USO1: variants seen among roughly 807,000 people sequenced by gnomAD.
USO1 encodes USO1 vesicle transport factor, also known as general vesicular transport factor p115.
A neutral mutation model predicts 124.5 loss-of-function variants in USO1; 57 were observed. That is an observed-to-expected ratio of 0.46 (90% confidence interval 0.37 to 0.57). The LOEUF (loss-of-function observed/expected upper bound fraction) is 0.57, where lower values mean the gene tolerates loss of function less well. Among genes scored for constraint, USO1 ranks in the 20% least tolerant of loss-of-function variants. The pLI is 0.00. For missense variants in USO1, 900 were observed against 1,040.6 expected (o/e 0.86, Z 1.86); for synonymous variants, 369 against 362.8 (o/e 1.02, Z -0.19).
intron 1 of USO1, among the ~76,000 whole-genome samples, chr4:75,727,300 C>A (rs1720492095): frequency 6.6e-6 from 1 of 152,162 alleles, no homozygotes; most frequent in Non-Finnish European, 1.5e-5. Flanking sequence ...GTTTTTATAT[C>A]ACAATTTCAA....
intron 4 of USO1, among the ~76,000 whole-genome samples, chr4:75,766,733 C>T (rs1453359824): frequency 6.6e-6 from 1 of 152,186 alleles, no homozygotes; most frequent in Non-Finnish European, 1.5e-5. Context: ...CATGTGAAGA[C>T]ATTATCTCCA....
chr4:75,798,019 T>G (rs1722739659), intron 13 of USO1, among the ~76,000 whole-genome samples: 1 of 152,228 alleles, frequency 6.6e-6, no homozygotes, highest in Admixed American at 6.5e-5. Flanking sequence ...ATGTCCACTT[T>G]TGTGCTCTTT....
intron 13 of USO1, chr4:75,795,248 T>TA (rs1416530391): frequency 1.4e-6 from 1 of 692,798 alleles, no homozygotes; most frequent in East Asian, 2.7e-5. Flanking sequence ...GTAGAGAGAC[T>TA]ATGAAAAAGT....
chr4:75,762,770 T>C (rs1171571676), intron 4 of USO1, among the ~76,000 whole-genome samples: 1 of 151,870 alleles, frequency 6.6e-6, no homozygotes. Context: ...CTACTAAAAA[T>C]ACAAAAAATT....
At chr4:75,784,607 A>G (rs1282447000) in intron 9 of USO1, among the ~76,000 whole-genome samples, 1 of 152,100 alleles carries the variant, frequency 6.6e-6, no homozygotes, top group Non-Finnish European at 1.5e-5. Context: ...ACTTGAGCTT[A>G]GGAGTTTGAG....
At position 75,804,156 on chromosome 4, in the gene USO1, G is replaced by A. The variant is rs184028252; in HGVS notation, c.2009G>A (p.Arg670Lys). 962 of 1,613,298 alleles carry A rather than the reference G, an allele frequency of 6.0e-4. 13 individuals carry two copies. In the South Asian group the frequency reaches 0.01, roughly 17 times the overall value. The change falls in exon 18 of 24, where the codon AGG becomes AAG. Residue 670 changes from arginine (R) to lysine (K), a missense_variant. By Grantham distance (26) the Arg-to-Lys change is conservative. Coordinates refer to ENST00000514213, the MANE Select transcript of USO1 (RefSeq NM_003715.4). Reference sequence around the variant, plus strand: ...CAGGATCTCCAACTTGAGGAATTAAGGCAGCAGGTTTCTACATTAAAATGT... The same window carrying A: ...CAGGATCTCCAACTTGAGGAATTAAAGCAGCAGGTTTCTACATTAAAATGT... ...REQDLQLEEL[R>K]QQVSTLKCQN...
chr4:75,733,785 A>G (rs529033218), intron 1 of USO1, among the ~76,000 whole-genome samples: 2 of 152,140 alleles, frequency 1.3e-5, no homozygotes, highest in South Asian at 4.1e-4. Flanking sequence ...TACTCTGTTG[A>G]TAGTTTCTTT....
intron 12 of USO1, among the ~76,000 whole-genome samples, chr4:75,791,102 AC>A (rs1212873779): frequency 6.6e-6 from 1 of 152,166 alleles, no homozygotes; most frequent in African/African-American, 2.4e-5. Flanking sequence ...TGGGGTTAAT[AC>A]CCCATTAGGA....
intron 1 of USO1, among the ~76,000 whole-genome samples, chr4:75,748,042 GA>G (rs540509495): frequency 4.0e-5 from 6 of 151,006 alleles, no homozygotes; most frequent in Non-Finnish European, 8.8e-5. Flanking sequence ...TGAGCAGCTG[GA>G]ATTACAGGCA....
Position 75,804,277 on chromosome 4 carries a change from G to A in USO1, c.2125+5G>A, listed in dbSNP as rs138495647. ...ATCTTCTTAAAATACAGCTAGGTAA[G>A]CATAGCTAAGCCATCACTATGATAG... On this transcript the variant is annotated splice_donor_5th_base_variant and intron_variant, in intron 18 of 23. Transcript: ENST00000514213. 1 of 1,607,914 alleles carries A rather than the reference G, an allele frequency of 6.2e-7. No homozygotes were observed. Among genetic ancestry groups the A allele is most frequent in the East Asian group, 2.2e-5 (1 of 44,544 alleles).
intron 20 of USO1, among the ~76,000 whole-genome samples, chr4:75,806,974 A>G (rs79734007): frequency 0.055 from 8,393 of 152,226 alleles, 312 homozygotes; most frequent in South Asian, 0.2. Flanking sequence ...GAATTTTAGA[A>G]TTGGAAAAGA....
chr4:75,740,444 T>A (rs1303680181), intron 1 of USO1, among the ~76,000 whole-genome samples: 1 of 152,176 alleles, frequency 6.6e-6, no homozygotes, highest in Non-Finnish European at 1.5e-5. Context: ...CTCGCCAACA[T>A]GCCTGGTTAA....
intron 12 of USO1, among the ~76,000 whole-genome samples, chr4:75,791,274 A>G (rs992476878): frequency 6.6e-6 from 1 of 152,240 alleles, no homozygotes; most frequent in Non-Finnish European, 1.5e-5. Flanking sequence ...CCGTAATCCC[A>G]ACATTTTGGG....
chr4:75,744,030 C>T (rs532271719), intron 1 of USO1, among the ~76,000 whole-genome samples: 1 of 152,182 alleles, frequency 6.6e-6, no homozygotes, highest in East Asian at 1.9e-4. Context: ...CCCGCCATGG[C>T]CTCCCAAAGT....
intron 4 of USO1, among the ~76,000 whole-genome samples, chr4:75,765,332 A>G (rs1029418443): frequency 7.2e-5 from 11 of 151,994 alleles, no homozygotes; most frequent in African/African-American, 2.2e-4. Context: ...ATACAGTTTC[A>G]CTAGAATTTG....
chr4:75,794,364 T>G (rs1224845963), intron 13 of USO1, among the ~76,000 whole-genome samples: 1 of 152,206 alleles, frequency 6.6e-6, no homozygotes, highest in African/African-American at 2.4e-5. Flanking sequence ...CCTTGAAGTT[T>G]GTGAGTTCTT....
At chr4:75,786,315 T>A (rs1356679629) in intron 9 of USO1, among the ~76,000 whole-genome samples, 4 of 152,306 alleles carry the variant, frequency 2.6e-5, no homozygotes, top group African/African-American at 9.6e-5. Context: ...ATGGTTAATG[T>A]TTGTATAGCA....
At chr4:75,755,572 T>C (rs1265050042) in intron 3 of USO1, 2 of 498,106 alleles carry the variant, frequency 4.0e-6, no homozygotes, top group African/African-American at 2.0e-5. Flanking sequence ...CCCAGCTGCT[T>C]GTCCATAACA....
intron 3 of USO1, among the ~76,000 whole-genome samples, chr4:75,756,695 G>A (rs902151502): frequency 6.6e-6 from 1 of 151,348 alleles, no homozygotes; most frequent in Non-Finnish European, 1.5e-5. Flanking sequence ...TAATAGAGAC[G>A]GGGTTTCTCC....
Sources: allele counts gnomAD v4.1 joint callset (sites outside exome capture counted in the v4.1 genomes callset), GRCh38; gene constraint gnomAD v4.1.1; transcripts MANE v1.5; gene names NCBI Gene and HGNC (gene_info 2026-07-23, HGNC 2026-07-21).